Variants in TOM1L2 observed in about 807,000 individuals in gnomAD.
TOM1L2 encodes the protein target of myb1 like 2 membrane trafficking protein.
TOM1L2 carries 31 observed loss-of-function variants against 67.9 expected under a neutral mutation model. The ratio of observed to expected loss-of-function variants is 0.46; its 90% confidence interval spans 0.34 to 0.62. TOM1L2 has a LOEUF of 0.62. TOM1L2 is among the 20% of genes least tolerant of loss of function. The probability of loss-of-function intolerance (pLI) is 0.01; values close to 1 mark genes in which losing one functional copy is unlikely to be tolerated. For missense variants in TOM1L2, 606 were observed against 663.5 expected, an observed-to-expected ratio of 0.91 and a Z score of 0.95; for synonymous variants, 256 against 254.0, an observed-to-expected ratio of 1.01 and a Z score of -0.07.
chr17:17,863,583 TA>T (rs1192525777), intron 10 of TOM1L2, among the ~76,000 whole-genome samples: 7 of 122,682 alleles, frequency 5.7e-5, no homozygotes, highest in African/African-American at 2.1e-4. Flanking sequence ...TTTTTTTTTT[TA>T]AAGAGACAGA....
chr17:17,878,548 C>G (rs576961436), intron 7 of TOM1L2, among the ~76,000 whole-genome samples: 1 of 152,318 alleles, frequency 6.6e-6, no homozygotes, highest in South Asian at 2.1e-4. Flanking sequence ...CAATAAGCAG[C>G]AACTTGGGAC....
intron 1 of TOM1L2, among the ~76,000 whole-genome samples, chr17:17,920,288 AAC>A (rs2039802359): frequency 6.6e-6 from 1 of 151,640 alleles, no homozygotes; most frequent in Non-Finnish European, 1.5e-5. Flanking sequence ...GCAAAGATAG[AAC>A]AGAGTTCTCA....
chr17:17,958,431 C>T, intron 1 of TOM1L2, among the ~76,000 whole-genome samples: 1 of 152,144 alleles, frequency 6.6e-6, no homozygotes, highest in East Asian at 1.9e-4. Context: ...CTAAATAGTA[C>T]CCCCAACCAA....
In TOM1L2 at chr17:17,879,730, C is replaced by T. The variant is rs767388904; in HGVS notation, c.674G>A (p.Arg225Gln). ...TANSEQIARL[R>Q]SELDVVRGNT... is the part of the protein sequence containing the mutation. ...TCCTCGAACGACGTCCAGTTCACTC[C>T]GCAGCCTGGCAATCTGGTGGGGGCC... Residue 225 changes from arginine (R) to glutamine (Q), a missense_variant, in exon 7 of 15, where the codon CGG becomes CAG. By Grantham distance (43) the Arg-to-Gln change is conservative. Around this residue, in one of 2 missense-constraint regions of TOM1L2, gnomAD observed 543 missense variants for 554.0 expected, o/e 0.98. Transcript: ENST00000379504. 27 of 1,614,022 alleles carry T rather than the reference C, an allele frequency of 1.7e-5. No individual in the cohort carries two copies. The highest frequency in any genetic ancestry group is 2.1e-5 in the Non-Finnish European group (25 of 1,179,996).
chr17:17,857,332 C>T (rs2036302406), intron 12 of TOM1L2, among the ~76,000 whole-genome samples: 1 of 152,180 alleles, frequency 6.6e-6, no homozygotes, highest in Non-Finnish European at 1.5e-5. Flanking sequence ...ATCTGTCAAG[C>T]CTAGGACTGC....
chr17:17,859,970 C>T (rs1049583386), intron 12 of TOM1L2: 51 of 152,350 alleles, frequency 3.3e-4, no homozygotes, highest in African/African-American at 1.1e-3. Flanking sequence ...GCCACACACA[C>T]AAAGGGTGAA....
At chr17:17,894,978 TGC>T (rs1206262090) in intron 3 of TOM1L2, among the ~76,000 whole-genome samples, 1 of 150,892 alleles carries the variant, frequency 6.6e-6, no homozygotes, top group Non-Finnish European at 1.5e-5. Context: ...CATACATACA[TGC>T]ATGCATGCAT....
chr17:17,872,607 A>T (rs1273864481), intron 7 of TOM1L2, among the ~76,000 whole-genome samples: 2 of 152,224 alleles, frequency 1.3e-5, no homozygotes, highest in African/African-American at 4.8e-5. Flanking sequence ...TCTGCCATGG[A>T]CTGTTCCGGG....
chr17:17,881,541 G>T (rs895805161), intron 6 of TOM1L2, among the ~76,000 whole-genome samples: 2 of 152,188 alleles, frequency 1.3e-5, no homozygotes, highest in African/African-American at 4.8e-5. Context: ...GCACAGTTCT[G>T]CCCATAGAAG....
Position 17,879,653 on chromosome 17 carries a change from C to T in TOM1L2, c.751G>A (p.Asp251Asn). The T allele has an allele frequency of 6.2e-7, 1 of 1,614,182 alleles. No homozygotes were observed. The highest frequency in any genetic ancestry group is 8.5e-7 in the Non-Finnish European group (1 of 1,180,002). Residue 251 changes from aspartate to asparagine, a missense_variant, in exon 7 of 15, where the codon GAT becomes AAT. Around this residue, in one of 2 missense-constraint regions of TOM1L2, gnomAD observed 543 missense variants for 554.0 expected, o/e 0.98. Transcript: ENST00000379504. Reference protein sequence around the residue: ...MLTEMVPGQEDSSDLELLQEL... With the variant: ...MLTEMVPGQENSSDLELLQEL... The stretch of plus-strand genomic sequence containing the variant: ...TGCAGCAACTCCAGATCAGATGAAT[C>T]CTCCTGTCCAGGGACCATTTCTGTT...
chr17:17,964,983 C>T (rs915302626), intron 1 of TOM1L2, among the ~76,000 whole-genome samples: 1 of 152,144 alleles, frequency 6.6e-6, no homozygotes, highest in Non-Finnish European at 1.5e-5. Context: ...CTAGACTAGA[C>T]TTCTTCTCAA....
In TOM1L2 at chr17:17,844,991, G is replaced by T. The variant is rs543641685; in HGVS notation, c.*2644C>A. On this transcript the variant is annotated 3_prime_UTR_variant, in exon 15 of 15. Coordinates refer to ENST00000379504, the MANE Select transcript of TOM1L2 (RefSeq NM_001082968.2). ...AGAGTCCAGGTTTCCTGACAGAGCCGCACCCCCTTCCTGGACCAGGCAGCC... is the reference window on the plus strand; with the variant it reads ...AGAGTCCAGGTTTCCTGACAGAGCCTCACCCCCTTCCTGGACCAGGCAGCC... 6.6e-6 allele frequency: 1 copy of T among 152,488 alleles called. No individual in the cohort carries two copies. The highest frequency in any genetic ancestry group is 1.5e-5 in the Non-Finnish European group (1 of 68,086). 9.4% of individuals were successfully genotyped at this position (152,488 alleles called of 1,614,324 possible).
chr17:17,912,496 A>G lies in TOM1L2; in HGVS notation c.53-4965T>C, dbSNP rs182548301. Among the ~76,000 whole-genome samples, 228 of 147,262 alleles carry G rather than the reference A, an allele frequency of 1.5e-3. 1 individual carries two copies. The highest frequency in any genetic ancestry group is 5.4e-3 in the African/African-American group (212 of 39,096). On this transcript the variant is annotated intron_variant, in intron 1 of 14. Transcript: ENST00000379504. ...GGGTGGCCGGGCAGAGACACTCCTC[A>G]CCTCCCAGACGGGGTCACGGCCTGG...
intron 1 of TOM1L2, among the ~76,000 whole-genome samples, chr17:17,938,771 T>TG (rs577435112): frequency 1.3e-5 from 2 of 151,794 alleles, no homozygotes; most frequent in Non-Finnish European, 2.9e-5. Flanking sequence ...AAAGGGTTTT[T>TG]TTTTTTTTTT....
intron 1 of TOM1L2, among the ~76,000 whole-genome samples, chr17:17,938,979 TA>T (rs2040621834): frequency 1.3e-5 from 2 of 152,178 alleles, no homozygotes; most frequent in Non-Finnish European, 2.9e-5. Flanking sequence ...GCACCTGGAC[TA>T]GAATTCCATT....
At position 17,879,690 on chromosome 17, in the gene TOM1L2, C is replaced by A. The variant is rs1202059213; in HGVS notation, c.714G>T (p.Met238Ile). Residue 238 changes from methionine (M) to isoleucine (I), a missense_variant, in exon 7 of 15, where the codon ATG (methionine) becomes ATT (isoleucine). Physicochemically the swap from Met to Ile is conservative, Grantham distance 10. Coordinates refer to ENST00000379504, the MANE Select transcript of TOM1L2 (RefSeq NM_001082968.2). ...LDVVRGNTKV[M>I]SEMLTEMVPG... ...GGACCATTTCTGTTAACATCTCAGA[C>A]ATGACTTTTGTGTTTCCTCGAACGA... 1 of 1,614,230 alleles carries A rather than the reference C, an allele frequency of 6.2e-7. No individual in the cohort carries two copies. The highest frequency in any genetic ancestry group is 8.5e-7 in the Non-Finnish European group (1 of 1,180,044).
At chr17:17,848,536 T>C (rs569431212) in intron 14 of TOM1L2, among the ~76,000 whole-genome samples, 49 of 152,368 alleles carry the variant, frequency 3.2e-4, no homozygotes, top group Non-Finnish European at 5.7e-4. Flanking sequence ...GCTGAGCACC[T>C]GTGGGTCAGG....
chr17:17,907,412 CAG>C (rs774378173), intron 2 of TOM1L2, 33 bp downstream of exon 2: 1 of 1,605,948 alleles, frequency 6.2e-7, no homozygotes. Flanking sequence ...CCTAAAAGCT[CAG>C]AGAGGCTTCC....
At chr17:17,918,462 C>G (rs2144579372) in intron 1 of TOM1L2, among the ~76,000 whole-genome samples, 1 of 152,238 alleles carries the variant, frequency 6.6e-6, no homozygotes, top group Admixed American at 6.5e-5. Context: ...TTACAAAACA[C>G]AGTCATACAC....
Sources: gnomAD v4.1 joint callset for allele counts (sites outside exome capture counted in the v4.1 genomes callset) on GRCh38, gnomAD v4.1.1 for gene constraint, gnomAD v4.1.1 regional missense constraint, MANE v1.5 for transcripts, NCBI Gene and HGNC (gene_info 2026-07-23, HGNC 2026-07-21) for gene names.